The following TYR variants were observed in gnomAD, a reference collection of about 807,000 sequenced individuals.
The protein encoded by TYR is LB24-AB.
Under a neutral mutation model 51.5 loss-of-function variants are expected in TYR, and 58 were observed. The observed-to-expected ratio is 1.13, with a 90% CI of 0.91 to 1.40. The LOEUF (loss-of-function observed/expected upper bound fraction) is 1.40, where lower values mean the gene tolerates loss of function less well. Ranked by LOEUF, TYR falls within the 40% of genes most tolerant of loss-of-function variation. The pLI is 0.00. For synonymous variants in TYR, 263 were observed against 235.2 expected (o/e 1.12, Z -1.08); for missense variants, 732 against 647.4 (o/e 1.13, Z -1.42).
intron 4 of TYR, among the ~76,000 whole-genome samples, chr11:89,294,505 G>A (rs1168475095): frequency 2.0e-5 from 3 of 152,180 alleles, no homozygotes; most frequent in African/African-American, 7.2e-5. Context: ...GGCCCAGAGT[G>A]CGGACGCTCC....
At chr11:89,212,153 G>A (rs754930632) in intron 2 of TYR, among the ~76,000 whole-genome samples, 3 of 152,098 alleles carry the variant, frequency 2.0e-5, no homozygotes, top group Non-Finnish European at 2.9e-5. Context: ...ATGAATCCAC[G>A]AGCTGTTTTT....
intron 2 of TYR, among the ~76,000 whole-genome samples, chr11:89,227,303 C>T (rs1311696388): frequency 6.6e-6 from 1 of 152,048 alleles, no homozygotes; most frequent in Non-Finnish European, 1.5e-5. Flanking sequence ...AAATCAGACA[C>T]ATTATGAACT....
In TYR at chr11:89,178,345, A is replaced by G; in HGVS notation, c.392A>G (p.Lys131Arg). The G allele has an allele frequency of 6.2e-7, 1 of 1,614,176 alleles. No homozygotes were observed. ...ATCTTCGATTTGAGTGCCCCAGAGAAGGACAAATTTTTTGCCTACCTCACT... is the reference window on the plus strand; with the variant it reads ...ATCTTCGATTTGAGTGCCCCAGAGAGGGACAAATTTTTTGCCTACCTCACT... ...RNIFDLSAPE[K>R]DKFFAYLTLA... Residue 131 changes from lysine to arginine, a missense_variant, in exon 1 of 5, where the codon AAG becomes AGG. Physicochemically the swap from Lys to Arg is conservative, Grantham distance 26 (BLOSUM62 2). Transcript: ENST00000263321.
intron 2 of TYR, among the ~76,000 whole-genome samples, chr11:89,201,461 T>C (rs2135261586): frequency 6.6e-6 from 1 of 152,346 alleles, no homozygotes; most frequent in Non-Finnish European, 1.5e-5. Context: ...AGTGCATATG[T>C]AGGTTCCATT....
intron 3 of TYR, among the ~76,000 whole-genome samples, chr11:89,260,400 T>C (rs544463738): frequency 6.6e-6 from 1 of 152,074 alleles, no homozygotes; most frequent in Non-Finnish European, 1.5e-5. Flanking sequence ...AAACAAAGGA[T>C]TGGCATATTC....
chr11:89,254,140 T>A (rs895961009), intron 3 of TYR, among the ~76,000 whole-genome samples: 5 of 151,866 alleles, frequency 3.3e-5, no homozygotes, highest in African/African-American at 1.2e-4. Flanking sequence ...CTGACTTGTT[T>A]ACATTAAACT....
chr11:89,235,806 T>C (rs1944102625), intron 3 of TYR, among the ~76,000 whole-genome samples: 1 of 152,274 alleles, frequency 6.6e-6, no homozygotes, highest in East Asian at 1.9e-4. Flanking sequence ...ATATTGTATC[T>C]TTTAAGATTG....
chr11:89,272,452 A>G (rs1342240704), intron 3 of TYR, among the ~76,000 whole-genome samples: 2 of 151,544 alleles, frequency 1.3e-5, no homozygotes, highest in African/African-American at 2.4e-5. Context: ...TCAGTAAATC[A>G]TGGTATAAAC....
At chr11:89,192,387 G>A (rs949038850) in intron 2 of TYR, among the ~76,000 whole-genome samples, 32 of 152,082 alleles carry the variant, frequency 2.1e-4, no homozygotes, top group Non-Finnish European at 1.9e-4. Flanking sequence ...CTTGTGGCAA[G>A]GCAGACAACT....
chr11:89,187,771 A>T (rs138901719), intron 1 of TYR, among the ~76,000 whole-genome samples: 30 of 152,218 alleles, frequency 2.0e-4, no homozygotes, highest in African/African-American at 7.0e-4. Context: ...TTGAATTTCA[A>T]ACCAAAGTTT....
intron 3 of TYR, among the ~76,000 whole-genome samples, chr11:89,249,676 A>C (rs944955392): frequency 6.6e-6 from 1 of 152,042 alleles, no homozygotes; most frequent in African/African-American, 2.4e-5. Flanking sequence ...TTCACAAAAT[A>C]AGGAGCATTT....
intron 2 of TYR, among the ~76,000 whole-genome samples, chr11:89,217,585 TG>T (rs1943848976): frequency 6.6e-6 from 1 of 152,208 alleles, no homozygotes; most frequent in Non-Finnish European, 1.5e-5. Context: ...AGGTTCATTG[TG>T]CATCCAGGAG....
At chr11:89,241,790 G>C (rs1944198446) in intron 3 of TYR, among the ~76,000 whole-genome samples, 2 of 146,500 alleles carry the variant, frequency 1.4e-5, no homozygotes, top group South Asian at 4.3e-4. Flanking sequence ...ATATTATATA[G>C]TACATTTTAT....
intron 3 of TYR, among the ~76,000 whole-genome samples, chr11:89,268,265 T>A (rs2135312506): frequency 6.6e-6 from 1 of 152,084 alleles, no homozygotes; most frequent in Admixed American, 6.6e-5. Context: ...ACTGCTACCA[T>A]ACTACATTTC....
chr11:89,219,722 A>C (rs577000215), intron 2 of TYR, among the ~76,000 whole-genome samples: 1 of 152,282 alleles, frequency 6.6e-6, no homozygotes, highest in Admixed American at 6.5e-5. Context: ...GTCTTATACA[A>C]TATCTTGGTG....
chr11:89,191,459 C>T, intron 2 of TYR, 41 bp downstream of exon 2: 1 of 1,579,084 alleles, frequency 6.3e-7, no homozygotes, highest in Admixed American at 1.7e-5. Context: ...TTTCTGAATT[C>T]ATATTTACAG....
intron 4 of TYR, among the ~76,000 whole-genome samples, chr11:89,292,657 T>C (rs1268388223): frequency 2.0e-5 from 3 of 152,172 alleles, no homozygotes; most frequent in Non-Finnish European, 4.4e-5. Context: ...TTCTGATTAC[T>C]ACCAAGTTAT....
chr11:89,235,584 C>T (rs942134599), intron 3 of TYR, among the ~76,000 whole-genome samples: 2 of 152,030 alleles, frequency 1.3e-5, no homozygotes, highest in African/African-American at 4.8e-5. Context: ...AGACAAGTAA[C>T]CACATAATCT....
intron 1 of TYR, 88 bp downstream of exon 1, chr11:89,178,860 A>G (rs1943264568): frequency 3.8e-6 from 5 of 1,322,306 alleles, no homozygotes; most frequent in East Asian, 2.4e-5. Flanking sequence ...TCACCTGAAC[A>G]CTCATTGCAG....
Sources: allele counts gnomAD v4.1 joint callset (sites outside exome capture counted in the v4.1 genomes callset), GRCh38; gene constraint gnomAD v4.1.1; transcripts MANE v1.5; gene names NCBI Gene and HGNC (gene_info 2026-07-23, HGNC 2026-07-21).